The following ZMYND8 variants were observed in gnomAD, a reference collection of about 807,000 sequenced individuals.
ZMYND8 encodes the protein MYND-type zinc finger-containing chromatin reader ZMYND8.
Under a neutral mutation model 140.8 loss-of-function variants are expected in ZMYND8, and 37 were observed. That is an observed-to-expected ratio of 0.26 (90% CI 0.20 to 0.35). ZMYND8 has a LOEUF of 0.35. Among genes scored for constraint, ZMYND8 ranks in the 10% least tolerant of loss-of-function variants. The probability of loss-of-function intolerance (pLI) is 1.00; values close to 1 mark genes in which losing one functional copy is unlikely to be tolerated. For missense variants in ZMYND8, 1,068 were observed against 1,570.0 expected (o/e 0.68, Z 5.40); for synonymous variants, 592 against 597.1 (o/e 0.99, Z 0.12).
intron 21 of ZMYND8, among the ~76,000 whole-genome samples, chr20:47,214,004 G>C (rs879720634): frequency 6.6e-6 from 1 of 152,092 alleles, no homozygotes; most frequent in Non-Finnish European, 1.5e-5. Context: ...AGATGAACAG[G>C]AGAGGCCCAC....
chr20:47,285,936 T>G, intron 8 of ZMYND8: 2 of 713,284 alleles, frequency 2.8e-6, no homozygotes, highest in Non-Finnish European at 1.7e-6. Context: ...GAGGCCTATA[T>G]TCCCAGCGTC....
chr20:47,264,735 C>G (rs1422625246), intron 11 of ZMYND8, among the ~76,000 whole-genome samples: 1 of 152,120 alleles, frequency 6.6e-6, no homozygotes, highest in Non-Finnish European at 1.5e-5. Context: ...GTGTTTGTTA[C>G]ACGAAGAAAC....
intron 10 of ZMYND8, among the ~76,000 whole-genome samples, chr20:47,279,233 G>T (rs1213845203): frequency 6.6e-6 from 1 of 152,150 alleles, no homozygotes; most frequent in African/African-American, 2.4e-5. Flanking sequence ...ACTTGGGGAG[G>T]CAGAGGCAGG....
At chr20:47,319,665 T>C (rs1247895415) in intron 2 of ZMYND8, 1 of 153,400 alleles carries the variant, frequency 6.5e-6, no homozygotes, top group African/African-American at 2.4e-5. Flanking sequence ...TGATTTACAA[T>C]TGAATTCAGT....
chr20:47,240,527 T>TA (rs2039830738), intron 14 of ZMYND8, among the ~76,000 whole-genome samples: 1 of 151,572 alleles, frequency 6.6e-6, no homozygotes, highest in African/African-American at 2.4e-5. Flanking sequence ...ATAATAATAA[T>TA]AATAAATGAA....
chr20:47,290,421 A>G, intron 6 of ZMYND8, 147 bp from the exon 7 acceptor site: 1 of 614,072 alleles, frequency 1.6e-6, no homozygotes, highest in East Asian at 3.0e-5. Flanking sequence ...CTTCTTTTTA[A>G]CCTACAACAC....
chr20:47,297,666 TCTC>T (rs1294417637), intron 4 of ZMYND8, among the ~76,000 whole-genome samples: 1 of 152,092 alleles, frequency 6.6e-6, no homozygotes, highest in Non-Finnish European at 1.5e-5. Context: ...ATCAAGCAAT[TCTC>T]CTGCCTCGGC....
chr20:47,338,769 A>G (rs2081589006), intron 2 of ZMYND8, among the ~76,000 whole-genome samples: 1 of 152,006 alleles, frequency 6.6e-6, no homozygotes, highest in African/African-American at 2.4e-5. Flanking sequence ...CTTCCCCTCA[A>G]TGATTCCCTA....
chr20:47,246,254 G>A lies in ZMYND8; in HGVS notation c.2038C>T (p.Pro680Ser), dbSNP rs370136415. 80 of 1,613,956 alleles carry A rather than the reference G, an allele frequency of 5.0e-5. No homozygotes were observed. The highest frequency in any genetic ancestry group is 2.5e-5 in the Non-Finnish European group (30 of 1,180,032). ...STSPASEKAD[P>S]GAVKDKASPE... The stretch of plus-strand genomic sequence containing the variant: ...CTGGCCTTGTCCTTGACTGCTCCAG[G>A]GTCTGCCTTCTCGCTGGCTGGTGAC... The change falls in exon 14 of 23, where the codon CCT becomes TCT. Residue 680 changes from proline (P) to serine (S), a missense_variant. Transcript: ENST00000471951.
At chr20:47,221,612 G>C in intron 19 of ZMYND8, 138 bp from the exon 20 acceptor site, 1 of 1,088,696 alleles carries the variant, frequency 9.2e-7, no homozygotes, top group Non-Finnish European at 1.2e-6. Flanking sequence ...GGCTCAAGGG[G>C]GCCAGATTGC....
At chr20:47,330,361 CTTTTTT>C (rs111831182) in intron 2 of ZMYND8, among the ~76,000 whole-genome samples, 21 of 118,894 alleles carry the variant, frequency 1.8e-4, no homozygotes, top group African/African-American at 5.3e-4. Flanking sequence ...GGGTTTTTTG[CTTTTTT>C]TTTTTTTTTT....
At chr20:47,318,942 G>A (rs1217329246) in intron 2 of ZMYND8, 27 of 1,350,278 alleles carry the variant, frequency 2.0e-5, no homozygotes, top group Non-Finnish European at 2.5e-5. Flanking sequence ...GCCAAGAGGA[G>A]GCACTTACCT....
In ZMYND8 at chr20:47,238,736, A is replaced by G. The variant is rs758074205; in HGVS notation, c.2665+22T>C. The G allele has an allele frequency of 5.0e-6, 8 of 1,599,036 alleles. No homozygotes were observed. In the Admixed American group the frequency reaches 1.2e-4, roughly 25 times the overall value. On this transcript the variant is annotated intron_variant, in intron 15 of 22. Coordinates refer to ENST00000471951, the MANE Select transcript of ZMYND8 (RefSeq NM_001281775.3). ...CAAAATGGGAGCGGGCGCCACGGAG[A>G]ACAGAAGGGGAGGCTCGGTACCTTT...
In ZMYND8 at chr20:47,224,324, G is replaced by A. The variant is rs2037401658; in HGVS notation, c.3249C>T (p.Thr1083=). The change falls in exon 19 of 23, where the codon ACC becomes ACT. Residue 1083 remains threonine, a synonymous_variant. Coordinates refer to ENST00000471951, the MANE Select transcript of ZMYND8 (RefSeq NM_001281775.3). ...AHWPEHMKSC[T]QSATAPQQEA... ...AGCCCCACAGGGCATTACCTGACTG[G>A]GTGCAGGACTTCATGTGCTCAGGCC... The A allele has an allele frequency of 6.2e-7, 1 of 1,614,210 alleles. No homozygotes were observed. The highest frequency in any genetic ancestry group is 8.5e-7 in the Non-Finnish European group (1 of 1,180,028).
chr20:47,215,346 C>A (rs2035925596), intron 21 of ZMYND8, among the ~76,000 whole-genome samples: 1 of 152,152 alleles, frequency 6.6e-6, no homozygotes, highest in East Asian at 1.9e-4. Context: ...GCACTCCAGC[C>A]TGGGCAACAG....
intron 11 of ZMYND8, among the ~76,000 whole-genome samples, chr20:47,272,056 A>AGG (rs11333888): frequency 7.5e-5 from 11 of 146,556 alleles, no homozygotes; most frequent in Non-Finnish European, 1.2e-4. Flanking sequence ...TTATAAAAAA[A>AGG]GGGGGGGGGG....
At chr20:47,265,968 C>T (rs1380666778) in intron 11 of ZMYND8, among the ~76,000 whole-genome samples, 2 of 152,254 alleles carry the variant, frequency 1.3e-5, no homozygotes, top group Non-Finnish European at 2.9e-5. Context: ...GTCTGGTTCA[C>T]ACTCTACCCA....
intron 3 of ZMYND8, among the ~76,000 whole-genome samples, chr20:47,302,608 T>C (rs985084215): frequency 2.0e-5 from 3 of 152,304 alleles, no homozygotes; most frequent in South Asian, 4.1e-4. Flanking sequence ...TCTTACTTGA[T>C]GTGTAGAAAA....
In ZMYND8 at chr20:47,238,993, C is replaced by G. The variant is rs911440102; in HGVS notation, c.2430G>C (p.Pro810=). ...STSSTVTVTA[P]APAATGSPVK... ...CTGGGCTTCCTGTGGCGGCGGGGGCCGGGGCCGTGACGGTGACCGTGGAGG... is the reference window on the plus strand; with the variant it reads ...CTGGGCTTCCTGTGGCGGCGGGGGCGGGGGCCGTGACGGTGACCGTGGAGG... Residue 810 remains proline, a synonymous_variant, in exon 15 of 23, where the codon CCG becomes CCC. Coordinates refer to ENST00000471951, the MANE Select transcript of ZMYND8 (RefSeq NM_001281775.3). 8 of 1,609,316 alleles carry G rather than the reference C, an allele frequency of 5.0e-6. No individual in the cohort carries two copies. The African/African-American group carries it at 8.0e-5, about 16-fold the overall frequency.
Sources: allele counts gnomAD v4.1 joint callset (sites outside exome capture counted in the v4.1 genomes callset), GRCh38; gene constraint gnomAD v4.1.1; transcripts MANE v1.5; gene names NCBI Gene and HGNC (gene_info 2026-07-23, HGNC 2026-07-21).